PEBP4: variants seen among roughly 807,000 people sequenced by gnomAD.
PEBP4 encodes the protein phosphatidylethanolamine-binding protein 4.
Under a neutral mutation model 23.9 loss-of-function variants are expected in PEBP4, and 22 were observed. That is an observed-to-expected ratio of 0.92 (90% CI 0.66 to 1.31). The LOEUF (loss-of-function observed/expected upper bound fraction) is 1.31. PEBP4 is among the 40% of genes most tolerant of loss of function. The pLI is 0.00. For synonymous variants in PEBP4, 112 were observed against 99.3 expected, an observed-to-expected ratio of 1.13 and a Z score of -0.76; for missense variants, 324 against 281.7, an observed-to-expected ratio of 1.15 and a Z score of -1.07.
intron 3 of PEBP4, among the ~76,000 whole-genome samples, chr8:22,900,929 A>G (rs1331921623): frequency 4.6e-5 from 7 of 152,134 alleles, no homozygotes; most frequent in East Asian, 1.9e-4. Context: ...GGTTTCCCAC[A>G]CCGCCACACA....
chr8:22,761,913 T>C (rs1805515208), intron 4 of PEBP4, among the ~76,000 whole-genome samples: 1 of 152,212 alleles, frequency 6.6e-6, no homozygotes. Context: ...TCATTAGTTT[T>C]AAGCTGGATG....
intron 4 of PEBP4, among the ~76,000 whole-genome samples, chr8:22,810,705 T>A (rs1446996248): frequency 8.7e-5 from 11 of 126,470 alleles, no homozygotes; most frequent in Admixed American, 7.9e-5. Context: ...TGTGTGTGTG[T>A]GTGTGTGTGA....
At chr8:22,839,484 A>C (rs1807276942) in intron 3 of PEBP4, among the ~76,000 whole-genome samples, 1 of 152,146 alleles carries the variant, frequency 6.6e-6, no homozygotes, top group Admixed American at 6.5e-5. Context: ...CCACATGCAA[A>C]ATGGGAGAGG....
chr8:22,750,192 C>T (rs1013724161), intron 4 of PEBP4, among the ~76,000 whole-genome samples: 6 of 151,886 alleles, frequency 4.0e-5, no homozygotes, highest in Non-Finnish European at 5.9e-5. Context: ...ACCTCCACCT[C>T]GCGGGTTCAA....
chr8:22,792,323 G>A (rs1209482732), intron 4 of PEBP4, among the ~76,000 whole-genome samples: 1 of 152,100 alleles, frequency 6.6e-6, no homozygotes, highest in East Asian at 1.9e-4. Context: ...CCTGCTGCAG[G>A]TGACATCTCA....
At chr8:22,924,611 C>T in intron 2 of PEBP4, 1 of 968,228 alleles carries the variant, frequency 1.0e-6, no homozygotes, top group Non-Finnish European at 1.2e-6. Context: ...TAAGAATGTA[C>T]TTTCTGAAGA....
chr8:22,856,929 G>C (rs555000648), intron 3 of PEBP4, among the ~76,000 whole-genome samples: 5 of 152,002 alleles, frequency 3.3e-5, no homozygotes, highest in South Asian at 4.2e-4. Flanking sequence ...AAGGGGAACT[G>C]ATTAAATGAA....
At chr8:22,746,797 G>A (rs1426005046) in intron 4 of PEBP4, among the ~76,000 whole-genome samples, 1 of 152,182 alleles carries the variant, frequency 6.6e-6, no homozygotes, top group African/African-American at 2.4e-5. Context: ...TCCTCTCTTT[G>A]TGTTGTACTA....
chr8:22,760,556 G>A (rs1805486440), intron 4 of PEBP4, among the ~76,000 whole-genome samples: 1 of 152,100 alleles, frequency 6.6e-6, no homozygotes, highest in Non-Finnish European at 1.5e-5. Context: ...CTGAGGCCAG[G>A]GAAGGGAGGA....
intron 6 of PEBP4, among the ~76,000 whole-genome samples, chr8:22,717,460 CCATCCTGAT>C (rs1208745338): frequency 3.4e-5 from 2 of 58,032 alleles, no homozygotes; most frequent in Admixed American, 2.2e-4. Context: ...TGATGTATTT[CCATCCTGAT>C]GTACTTCCCT....
chr8:22,827,492 T>A (rs1362623402), intron 3 of PEBP4, among the ~76,000 whole-genome samples: 2 of 152,204 alleles, frequency 1.3e-5, no homozygotes, highest in Non-Finnish European at 2.9e-5. Flanking sequence ...GGAGTCATAA[T>A]ACTTGTTTTT....
At chr8:22,845,243 C>T (rs1194922234) in intron 3 of PEBP4, among the ~76,000 whole-genome samples, 1 of 151,964 alleles carries the variant, frequency 6.6e-6, no homozygotes, top group African/African-American at 2.4e-5. Context: ...GAAAGTAAAT[C>T]CATCATCAGA....
intron 4 of PEBP4, among the ~76,000 whole-genome samples, chr8:22,761,256 G>A (rs1805502191): frequency 1.3e-5 from 2 of 152,302 alleles, no homozygotes; most frequent in South Asian, 2.1e-4. Flanking sequence ...GTGTGTTTGT[G>A]TGTGTGTGAA....
intron 3 of PEBP4, among the ~76,000 whole-genome samples, chr8:22,851,549 C>G (rs954401050): frequency 6.6e-6 from 1 of 152,254 alleles, no homozygotes; most frequent in Middle Eastern, 3.4e-3. Context: ...CAAGACCACA[C>G]AGGAAAAGCA....
At chr8:22,931,301 T>C (rs966472671), upstream of PEBP4, among the ~76,000 whole-genome samples, 2 of 152,212 alleles carry the variant, frequency 1.3e-5, no homozygotes, top group Non-Finnish European at 2.9e-5. Context: ...TTTTCGTATG[T>C]TCACAAGCTT....
At chr8:22,763,302 G>A (rs189691805) in intron 4 of PEBP4, among the ~76,000 whole-genome samples, 4 of 152,158 alleles carry the variant, frequency 2.6e-5, no homozygotes, top group Non-Finnish European at 5.9e-5. Context: ...ACTGTTGCCC[G>A]CCGGAAGAAG....
intron 4 of PEBP4, among the ~76,000 whole-genome samples, chr8:22,789,260 CAAGG>C (rs1245188264): frequency 6.6e-6 from 1 of 152,060 alleles, no homozygotes; most frequent in Non-Finnish European, 1.5e-5. Flanking sequence ...GTCAGTGAGT[CAAGG>C]AAGCGGAGAA....
chr8:22,750,317 G>A (rs575702683), intron 4 of PEBP4, among the ~76,000 whole-genome samples: 3 of 149,410 alleles, frequency 2.0e-5, no homozygotes, highest in Admixed American at 6.7e-5. Context: ...GGTCAGGCTG[G>A]TCTCAAACCC....
intron 1 of PEBP4, among the ~76,000 whole-genome samples, chr8:22,934,540 A>G (rs977947837): frequency 6.6e-6 from 1 of 152,228 alleles, no homozygotes; most frequent in South Asian, 2.1e-4. Context: ...TGAGGAACAC[A>G]AAAAGCTGAA....
Sources: allele counts gnomAD v4.1 joint callset (sites outside exome capture counted in the v4.1 genomes callset), GRCh38; gene constraint gnomAD v4.1.1; transcripts MANE v1.5; gene names NCBI Gene and HGNC (gene_info 2026-07-23, HGNC 2026-07-21).